Variants in HERC3 observed in about 807,000 individuals in gnomAD.
HERC3 encodes the protein HECT and RLD domain containing E3 ubiquitin protein ligase 3, also known as probable E3 ubiquitin-protein ligase HERC3.
HERC3 carries 58 observed loss-of-function variants against 129.9 expected under a neutral mutation model. The observed-to-expected ratio is 0.45, with a 90% CI of 0.36 to 0.56. HERC3 has a LOEUF of 0.56. Ranked by LOEUF, HERC3 falls within the 20% of genes least tolerant of loss-of-function variation. The pLI is 0.00. For missense variants in HERC3, 835 were observed against 1,244.2 expected, an observed-to-expected ratio of 0.67 and a Z score of 4.95; for synonymous variants, 430 against 451.0, an observed-to-expected ratio of 0.95 and a Z score of 0.59.
chr4:88,681,779 G>A (rs1200722562), intron 21 of HERC3, among the ~76,000 whole-genome samples: 1 of 152,202 alleles, frequency 6.6e-6, no homozygotes, highest in East Asian at 1.9e-4. Context: ...TCAAACCAGT[G>A]TAACTGGGAT....
rs1487239540 is a variant in HERC3 at position 88,681,173 on chromosome 4, C to T, written c.2355C>T (p.His785=). 1 of 1,611,366 alleles carries T rather than the reference C, an allele frequency of 6.2e-7. No individual in the cohort carries two copies. Among genetic ancestry groups the T allele is most frequent in the African/African-American group, 1.3e-5 (1 of 74,802 alleles). Residue 785 remains histidine, a synonymous_variant, in exon 21 of 26, where the codon CAC becomes CAT. Coordinates refer to ENST00000402738, the MANE Select transcript of HERC3 (RefSeq NM_014606.3). ...GTCCTAAAAAGTGTTTTGTAGAGCACAACTGGTTTCACTTGATTGGTATAA... is the reference window on the plus strand; with the variant it reads ...GTCCTAAAAAGTGTTTTGTAGAGCATAACTGGTTTCACTTGATTGGTATAA... The part of the protein sequence containing the change: ...LWFSDTCFVE[H]NWFHLIGITC...
At chr4:88,640,149 T>G (rs997155727) in intron 3 of HERC3, among the ~76,000 whole-genome samples, 8 of 152,146 alleles carry the variant, frequency 5.3e-5, no homozygotes, top group Non-Finnish European at 1.5e-5. Flanking sequence ...TTAGTTCAAT[T>G]ATTGTGGAAG....
chr4:88,659,468 G>C (rs938754229), intron 10 of HERC3, among the ~76,000 whole-genome samples: 1 of 152,212 alleles, frequency 6.6e-6, no homozygotes, highest in African/African-American at 2.4e-5. Context: ...GGTGGAGCCC[G>C]AGGCTGTAGG....
At chr4:88,586,961 TTTTG>T in the HERC3 span, among the ~76,000 whole-genome samples, 1 of 152,212 alleles carries the variant, frequency 6.6e-6, no homozygotes, top group Non-Finnish European at 1.5e-5. Context: ...GGGCCACACA[TTTTG>T]CTCTAGGCTT....
At chr4:88,689,876 C>A (rs1170601551) in intron 23 of HERC3, 2 of 497,360 alleles carry the variant, frequency 4.0e-6, no homozygotes, top group Non-Finnish European at 5.2e-6. Flanking sequence ...CCGCTCCTGG[C>A]CCATCCTTGA....
At chr4:88,566,046 G>T in the HERC3 span, among the ~76,000 whole-genome samples, 1 of 151,690 alleles carries the variant, frequency 6.6e-6, no homozygotes, top group African/African-American at 2.4e-5. Context: ...GTGTCATGGG[G>T]TTTGTTGTAC....
chr4:88,695,022 A>G (rs930531272), intron 23 of HERC3, among the ~76,000 whole-genome samples: 17 of 152,166 alleles, frequency 1.1e-4, no homozygotes, highest in African/African-American at 3.9e-4. Flanking sequence ...TTGTGTTTCA[A>G]TCGTTTTTGC....
chr4:88,588,373 A>G (rs145585206), upstream of HERC3, among the ~76,000 whole-genome samples: 131 of 152,356 alleles, frequency 8.6e-4, 1 homozygote, highest in East Asian at 0.023. Flanking sequence ...GTTACAGGAC[A>G]GTTTTTAATA....
rs766698017 is a variant in HERC3 at position 88,605,830 on chromosome 4, T to C, written c.7T>C (p.Cys3Arg). The C allele has an allele frequency of 3.7e-6, 6 of 1,612,932 alleles. No individual in the cohort carries two copies. In the African/African-American group the frequency reaches 6.7e-5, roughly 18 times the overall value. The change falls in exon 3 of 26, where the codon TGT becomes CGT. Residue 3 changes from cysteine to arginine, a missense_variant. Coordinates refer to ENST00000402738, the MANE Select transcript of HERC3 (RefSeq NM_014606.3). ML[C>R]WGYWSLGQPG... Reference sequence around the variant, plus strand: ...TCCCTGAAAGATAAGAACAATGTTATGTTGGGGATATTGGTCTCTGGGCCA... The same window carrying C: ...TCCCTGAAAGATAAGAACAATGTTACGTTGGGGATATTGGTCTCTGGGCCA...
intron 9 of HERC3, chr4:88,657,216 A>C (rs1225018108): frequency 6.6e-6 from 1 of 152,254 alleles, no homozygotes; most frequent in Non-Finnish European, 1.5e-5. Flanking sequence ...TGTTTGAAAC[A>C]GTAACCATCA....
chr4:88,687,391 TTAATA>T lies in HERC3; in HGVS notation c.2657+93_2657+97del, dbSNP rs772744968. On this transcript the variant is annotated intron_variant, in intron 23 of 25. Coordinates refer to ENST00000402738, the MANE Select transcript of HERC3 (RefSeq NM_014606.3). Reference sequence around the variant, plus strand: ...CCAAAATAAAAATTACTTTTTAATATTAATACCTTCTTCAGAGGAGGTAAGTAAGG... The same window carrying T: ...CCAAAATAAAAATTACTTTTTAATATCCTTCTTCAGAGGAGGTAAGTAAGG... The T allele has an allele frequency of 3.5e-4, 243 of 687,382 alleles. 2 individuals carry two copies. Among genetic ancestry groups the T allele is most frequent in the Non-Finnish European group, 5.2e-4 (221 of 424,114 alleles). 42.6% of individuals were successfully genotyped at this position (687,382 alleles called of 1,614,324 possible).
At chr4:88,592,842 C>G (rs1721862714) in intron 1 of HERC3, among the ~76,000 whole-genome samples, 1 of 152,086 alleles carries the variant, frequency 6.6e-6, no homozygotes. Flanking sequence ...CAGAGAGCCC[C>G]GCGCCGGGAA....
chr4:88,589,504 A>T (rs1477306155), upstream of HERC3, among the ~76,000 whole-genome samples: 1 of 152,252 alleles, frequency 6.6e-6, no homozygotes, highest in Non-Finnish European at 1.5e-5. Context: ...ATGGCAACAA[A>T]GACTGTACTG....
intron 3 of HERC3, among the ~76,000 whole-genome samples, chr4:88,638,399 C>G (rs1727674940): frequency 6.6e-6 from 1 of 152,212 alleles, no homozygotes; most frequent in South Asian, 2.1e-4. Flanking sequence ...TTACCACGAT[C>G]AAGTCAGCTT....
At chr4:88,579,149 A>C in the HERC3 span, among the ~76,000 whole-genome samples, 1 of 151,806 alleles carries the variant, frequency 6.6e-6, no homozygotes, top group African/African-American at 2.4e-5. Context: ...TTGGGAGGCC[A>C]AGATGGGTGG....
intron 3 of HERC3, among the ~76,000 whole-genome samples, chr4:88,621,210 G>A (rs1725481992): frequency 1.3e-5 from 2 of 152,008 alleles, no homozygotes; most frequent in Admixed American, 6.6e-5. Context: ...GGGTTCAAGC[G>A]ATTCTCCTGC....
At chr4:88,624,675 T>C (rs2149227895) in intron 3 of HERC3, among the ~76,000 whole-genome samples, 1 of 152,336 alleles carries the variant, frequency 6.6e-6, no homozygotes, top group East Asian at 1.9e-4. Flanking sequence ...TTCGGTTTCT[T>C]AACAGTGCGT....
At chr4:88,594,849 C>T (rs1214576934) in intron 1 of HERC3, among the ~76,000 whole-genome samples, 1 of 151,950 alleles carries the variant, frequency 6.6e-6, no homozygotes, top group Non-Finnish European at 1.5e-5. Flanking sequence ...ACCTGTAATC[C>T]CAGCACTTTG....
chr4:88,607,609 C>A (rs188871615), intron 3 of HERC3, among the ~76,000 whole-genome samples: 224 of 152,230 alleles, frequency 1.5e-3, no homozygotes, highest in African/African-American at 5.2e-3. Flanking sequence ...CAACTACAGG[C>A]ATGTGCCAAT....
Sources: allele counts gnomAD v4.1 joint callset (sites outside exome capture counted in the v4.1 genomes callset), GRCh38; gene constraint gnomAD v4.1.1; transcripts MANE v1.5; gene names NCBI Gene and HGNC (gene_info 2026-07-23, HGNC 2026-07-21).